TNIP1: variants seen among roughly 807,000 people sequenced by gnomAD.
TNIP1 encodes TNFAIP3 interacting protein 1.
In TNIP1, 22 loss-of-function variants were observed where a neutral mutation model predicts 86.6. The ratio of observed to expected loss-of-function variants is 0.25; its 90% CI spans 0.18 to 0.36. The LOEUF is 0.36. Ranked by LOEUF, TNIP1 falls within the 10% of genes least tolerant of loss-of-function variation. The pLI is 1.00. For synonymous variants in TNIP1, 294 were observed against 313.0 expected (o/e 0.94, Z 0.64); for missense variants, 709 against 820.6 (o/e 0.86, Z 1.66).
chr5:151,041,940 CT>C (rs534852391), intron 11 of TNIP1, among the ~76,000 whole-genome samples: 1,937 of 131,804 alleles, frequency 0.015, 26 homozygotes, highest in South Asian at 0.11. Context: ...CTGCTTGGAT[CT>C]TTTTTTTTTT....
chr5:151,073,580 C>CA (rs1763053309), intron 1 of TNIP1, among the ~76,000 whole-genome samples: 1 of 108,760 alleles, frequency 9.2e-6, no homozygotes, highest in African/African-American at 5.8e-5. Context: ...TTCAAAAACA[C>CA]ATTGTGTGTG....
intron 1 of TNIP1, among the ~76,000 whole-genome samples, chr5:151,067,962 C>T (rs1464386852): frequency 1.3e-5 from 2 of 152,186 alleles, no homozygotes; most frequent in Admixed American, 6.5e-5. Flanking sequence ...AACTGAAACC[C>T]ACCCCACGTC....
At chr5:151,048,076 AG>A (rs778531324) in intron 8 of TNIP1, among the ~76,000 whole-genome samples, 1 of 152,310 alleles carries the variant, frequency 6.6e-6, no homozygotes, top group Non-Finnish European at 1.5e-5. Flanking sequence ...GAGCCCTCCA[AG>A]GAAGGTCACC....
intron 8 of TNIP1, 164 bp from the exon 9 acceptor site, chr5:151,046,114 C>A: frequency 1.4e-5 from 9 of 629,426 alleles, no homozygotes; most frequent in Non-Finnish European, 2.6e-5. Context: ...ATGACTACGT[C>A]CCCTTCTAGA....
chr5:151,052,570 G>A (rs1166951829), intron 6 of TNIP1, among the ~76,000 whole-genome samples: 1 of 152,022 alleles, frequency 6.6e-6, no homozygotes, highest in Non-Finnish European at 1.5e-5. Context: ...TTCCCCACCA[G>A]CCTCCCCCAG....
At chr5:151,049,720 G>T in intron 8 of TNIP1, 104 bp downstream of exon 8, 4 of 1,369,272 alleles carry the variant, frequency 2.9e-6, no homozygotes, top group Non-Finnish European at 4.1e-6. Flanking sequence ...TCTACCACTG[G>T]CACTGGCTGC....
chr5:151,033,649 C>G lies in TNIP1; in HGVS notation c.1738G>C (p.Glu580Gln). The G allele has an allele frequency of 7.4e-7, 1 of 1,348,596 alleles. No homozygotes were observed. The highest frequency in any genetic ancestry group is 9.6e-7 in the Non-Finnish European group (1 of 1,039,538). The allele number at this position is 1,348,596 out of a possible 1,614,324, so 83.5% of individuals were successfully genotyped here. Residue 580 changes from glutamate to glutamine, a missense_variant, in exon 16 of 18, where the codon GAG (glutamate) becomes CAG (glutamine). By Grantham distance (29) the Glu-to-Gln change is conservative (BLOSUM62 2). Transcript: ENST00000521591. ...IRYPPPPMAM[E>Q]HPPPLPNSRL... ...GAGTTGGGGAGTGGGGGCGGGTGCTCCATGGCCATGGGGGGAGGGGGGTAG... is the reference window on the plus strand; with the variant it reads ...GAGTTGGGGAGTGGGGGCGGGTGCTGCATGGCCATGGGGGGAGGGGGGTAG...
At chr5:151,051,722 A>G (rs1759951607) in intron 7 of TNIP1, among the ~76,000 whole-genome samples, 1 of 152,146 alleles carries the variant, frequency 6.6e-6, no homozygotes, top group South Asian at 2.1e-4. Flanking sequence ...AGGCGTATAA[A>G]CTTGTAATGC....
intron 13 of TNIP1, 57 bp downstream of exon 13, chr5:151,036,733 G>T: frequency 6.2e-7 from 1 of 1,612,126 alleles, no homozygotes; most frequent in South Asian, 1.1e-5. Context: ...TGGGCCCTCA[G>T]GAAAGCTCCA....
At chr5:151,065,174 T>C in intron 1 of TNIP1, 43 bp from the exon 2 acceptor site, 1 of 1,541,920 alleles carries the variant, frequency 6.5e-7, no homozygotes, top group Non-Finnish European at 8.8e-7. Flanking sequence ...GGCCAGGCCA[T>C]GGGGGCATCC....
At chr5:151,067,595 C>T (rs564827610) in intron 1 of TNIP1, among the ~76,000 whole-genome samples, 77 of 152,324 alleles carry the variant, frequency 5.1e-4, no homozygotes, top group Non-Finnish European at 8.8e-4. Context: ...ACAGTCAACA[C>T]CACATGAAGG....
rs780310847 is a variant in TNIP1 at position 151,035,720 on chromosome 5, G to A, written c.1396-13C>T. ...CGAAGATCTTCACCTGGTGTGGAGG[G>A]AGGGTGAAGAGAGGGAGGGGGATGG... On this transcript the variant is annotated splice_polypyrimidine_tract_variant and intron_variant, in intron 13 of 17. Transcript: ENST00000521591. The A allele has an allele frequency of 1.2e-6, 2 of 1,613,664 alleles. No homozygotes were observed. The highest frequency in any genetic ancestry group is 8.5e-7 in the Non-Finnish European group (1 of 1,179,956).
At chr5:151,065,630 G>A (rs535511939) in intron 1 of TNIP1, among the ~76,000 whole-genome samples, 1 of 152,158 alleles carries the variant, frequency 6.6e-6, no homozygotes, top group South Asian at 2.1e-4. Context: ...TCTGAGGGAG[G>A]GAAATGAAAG....
rs1490832138 is a variant in TNIP1, at chr5:151,036,813, G to C, written c.1372C>G (p.Gln458Glu). The change falls in exon 13 of 18, where the codon CAG (glutamine) becomes GAG (glutamate). Residue 458 changes from glutamine to glutamate, a missense_variant. Transcript: ENST00000521591. ...ACCTGCTGTTTCAGCAACTCATTCT[G>C]CGTGACCAGCTCCTGTTTCCTTAGG... ...ALLRKQELVT[Q>E]NELLKQQVKI... The C allele has an allele frequency of 6.2e-7, 1 of 1,614,072 alleles. No homozygotes were observed. The highest frequency in any genetic ancestry group is 1.1e-5 in the South Asian group (1 of 91,084).
intron 5 of TNIP1, 104 bp downstream of exon 5, chr5:151,060,214 G>A (rs2233288): frequency 1.6e-6 from 2 of 1,219,116 alleles, no homozygotes; most frequent in Admixed American, 3.5e-5. Flanking sequence ...TGACTCCAGG[G>A]TACCTAAGGG....
rs114930248 is a variant in TNIP1 at position 151,055,111 on chromosome 5, T to C, written c.627+1655A>G. ...TGAGTTCATTTGATCATTTATTATT[T>C]TGTCCTTTCATTCATTCACCAAGTG... On this transcript the variant is annotated intron_variant, in intron 6 of 17. Coordinates refer to ENST00000521591, the MANE Select transcript of TNIP1 (RefSeq NM_006058.5). Among the ~76,000 whole-genome samples, 504 of 152,328 alleles carry C rather than the reference T, an allele frequency of 3.3e-3. 3 individuals are homozygous for C. Among genetic ancestry groups the C allele is most frequent in the African/African-American group, 0.011 (473 of 41,558 alleles).
intron 9 of TNIP1, among the ~76,000 whole-genome samples, chr5:151,043,821 C>G (rs1168608904): frequency 6.6e-6 from 1 of 151,552 alleles, no homozygotes; most frequent in Non-Finnish European, 1.5e-5. Context: ...AATAAAGCAC[C>G]TAACACACTT....
At chr5:151,047,103 T>C (rs368512783) in intron 8 of TNIP1, among the ~76,000 whole-genome samples, 1 of 151,958 alleles carries the variant, frequency 6.6e-6, no homozygotes, top group Non-Finnish European at 1.5e-5. Flanking sequence ...GGAAAATTGG[T>C]CACTTGATTG....
intron 1 of TNIP1, among the ~76,000 whole-genome samples, chr5:151,066,932 A>G (rs1353838383): frequency 6.6e-6 from 1 of 152,224 alleles, no homozygotes; most frequent in Non-Finnish European, 1.5e-5. Flanking sequence ...GCCCTGCAGC[A>G]TAAGAACCAA....
Sources: gnomAD v4.1 joint callset for allele counts (sites outside exome capture counted in the v4.1 genomes callset) on GRCh38, gnomAD v4.1.1 for gene constraint, MANE v1.5 for transcripts, NCBI Gene and HGNC (gene_info 2026-07-23, HGNC 2026-07-21) for gene names.